The following ABCA5 variants were observed in gnomAD, a reference collection of about 807,000 sequenced individuals.
ABCA5 encodes the protein cholesterol transporter ABCA5.
In ABCA5, 163 loss-of-function variants were observed where a neutral mutation model predicts 206.0. That is an observed-to-expected ratio of 0.79 (90% confidence interval 0.70 to 0.90). The LOEUF is 0.90. Ranked by LOEUF, ABCA5 falls within the 40% of genes least tolerant of loss-of-function variation. The probability of loss-of-function intolerance (pLI) is 0.00; values close to 1 mark genes in which losing one functional copy is unlikely to be tolerated. For synonymous variants in ABCA5, 609 were observed against 613.8 expected (o/e 0.99, Z 0.11); for missense variants, 1,859 against 1,912.9 (o/e 0.97, Z 0.53).
At chr17:69,305,952 T>C (rs2075712959) in intron 6 of ABCA5, among the ~76,000 whole-genome samples, 1 of 152,166 alleles carries the variant, frequency 6.6e-6, no homozygotes, top group South Asian at 2.1e-4. Flanking sequence ...ATACAATAAT[T>C]CCATTATGTA....
In ABCA5 at chr17:69,326,377, C is replaced by T. The variant is rs538456755; in HGVS notation, c.-16+675G>A. On this transcript the variant is annotated intron_variant, in intron 1 of 38. Coordinates refer to ENST00000392676, the MANE Select transcript of ABCA5 (RefSeq NM_172232.4). The surrounding 1 kb of genome is among the most constrained non-coding windows in gnomAD (Gnocchi z 4.8). ...TATTTTCGGACTTATTTATTTAAAA[C>T]GTAAATCGAAGCCTGAGGAGCCCAG... Among the ~76,000 whole-genome samples the T allele has an allele frequency of 6.6e-6, 1 of 152,280 alleles. No homozygotes were observed. Among genetic ancestry groups the T allele is most frequent in the South Asian group, 2.1e-4 (1 of 4,810 alleles).
intron 1 of ABCA5, among the ~76,000 whole-genome samples, chr17:69,325,251 G>A (rs1325990534): frequency 6.6e-6 from 1 of 151,582 alleles, no homozygotes; most frequent in Non-Finnish European, 1.5e-5. Flanking sequence ...CAAGGCTGCA[G>A]TGAGCCAAGA....
At chr17:69,311,173 G>T (rs910010994) in intron 3 of ABCA5, among the ~76,000 whole-genome samples, 1 of 151,768 alleles carries the variant, frequency 6.6e-6, no homozygotes, top group Non-Finnish European at 1.5e-5. Context: ...CAGCTTGACA[G>T]TGAGATCCCA....
intron 1 of ABCA5, among the ~76,000 whole-genome samples, chr17:69,322,725 G>A (rs1598214137): frequency 6.6e-6 from 1 of 151,650 alleles, no homozygotes; most frequent in African/African-American, 2.4e-5. Flanking sequence ...CAGCAGAGGA[G>A]GTACTAAATA....
intron 19 of ABCA5, 50 bp from the exon 20 acceptor site, chr17:69,274,178 T>C (rs1310578150): frequency 1.4e-6 from 2 of 1,465,296 alleles, no homozygotes; most frequent in Non-Finnish European, 1.8e-6. Context: ...GGTACATTAA[T>C]ATGAAAATCA....
At chr17:69,275,791 G>A (rs1000114857) in intron 19 of ABCA5, among the ~76,000 whole-genome samples, 12 of 152,270 alleles carry the variant, frequency 7.9e-5, no homozygotes, top group South Asian at 4.1e-4. Flanking sequence ...ATGGGACTTC[G>A]GAAAGGTAAT....
intron 18 of ABCA5, among the ~76,000 whole-genome samples, chr17:69,282,765 C>CAAAAAAAA: frequency 9.3e-6 from 1 of 107,960 alleles, no homozygotes; most frequent in Non-Finnish European, 1.9e-5. Flanking sequence ...GAGCAAGACT[C>CAAAAAAAA]AAAAAAAAAA....
intron 26 of ABCA5, 90 bp downstream of exon 26, chr17:69,261,035 T>C: frequency 8.9e-7 from 1 of 1,119,218 alleles, no homozygotes; most frequent in Non-Finnish European, 1.3e-6. Context: ...CCAATGCATT[T>C]TACTGTTTTC....
chr17:69,266,294 G>A (rs955840866), intron 23 of ABCA5, among the ~76,000 whole-genome samples: 1 of 152,076 alleles, frequency 6.6e-6, no homozygotes, highest in African/African-American at 2.4e-5. Flanking sequence ...AATCTTTTTG[G>A]TGACAGAAAT....
rs538470010 is a variant in ABCA5 at position 69,288,380 on chromosome 17, C to T, written c.1903-629G>A. On this transcript the variant is annotated intron_variant, in intron 14 of 38. Transcript: ENST00000392676. ...GACAGAGAACAGCATAAAACAAATACATACAAAATCAAAGCAGGACAGTGA... is the reference window on the plus strand; with the variant it reads ...GACAGAGAACAGCATAAAACAAATATATACAAAATCAAAGCAGGACAGTGA... Among the ~76,000 whole-genome samples the T allele has an allele frequency of 5.3e-5, 8 of 152,252 alleles. No individual in the cohort carries two copies. The East Asian group carries it at 1.5e-3, about 29-fold the overall frequency.
chr17:69,299,236 C>T (rs1026996217), intron 9 of ABCA5, among the ~76,000 whole-genome samples: 1 of 152,050 alleles, frequency 6.6e-6, no homozygotes, highest in Non-Finnish European at 1.5e-5. Context: ...CTAGTAAAGC[C>T]ACTATGGAAA....
intron 8 of ABCA5, 129 bp downstream of exon 8, chr17:69,302,589 T>C (rs1461027667): frequency 1.9e-6 from 1 of 528,758 alleles, no homozygotes; most frequent in East Asian, 3.6e-5. Flanking sequence ...CTAGAAATCA[T>C]TTCTTCCTCA....
At chr17:69,283,161 G>GT (rs774128343) in intron 18 of ABCA5, among the ~76,000 whole-genome samples, 1 of 151,470 alleles carries the variant, frequency 6.6e-6, no homozygotes, top group African/African-American at 2.4e-5. Context: ...TAATTTTTGT[G>GT]TTTTTTGTGA....
chr17:69,280,539 T>C (rs1272061169), intron 18 of ABCA5, among the ~76,000 whole-genome samples: 1 of 151,264 alleles, frequency 6.6e-6, no homozygotes, highest in African/African-American at 2.4e-5. Context: ...ACTGGGTATA[T>C]ACCCAAAGGA....
At chr17:69,284,174 T>C (rs913293098) in intron 17 of ABCA5, 102 bp from the exon 18 acceptor site, 25 of 889,874 alleles carry the variant, frequency 2.8e-5, no homozygotes, top group African/African-American at 1.1e-4. Context: ...CTGTGAAACA[T>C]ATCATGACCC....
At chr17:69,317,739 A>AT (rs1210456584) in intron 1 of ABCA5, 1 of 152,196 alleles carries the variant, frequency 6.6e-6, no homozygotes, top group Non-Finnish European at 1.5e-5. Context: ...TCCAGGGTAC[A>AT]TTTACCCTTT....
intron 1 of ABCA5, among the ~76,000 whole-genome samples, chr17:69,322,640 C>T (rs182189094): frequency 6.3e-4 from 96 of 152,134 alleles, no homozygotes; most frequent in Admixed American, 1.5e-3. Flanking sequence ...CCACCTCCCC[C>T]GCAAAATCCA....
intron 27 of ABCA5, 135 bp downstream of exon 27, chr17:69,260,203 C>T (rs560388809): frequency 1.4e-4 from 82 of 597,828 alleles, no homozygotes; most frequent in Middle Eastern, 9.3e-4. Context: ...GATTAGCTAG[C>T]GTTAACTAAC....
Position 69,295,314 on chromosome 17 carries a change from A to G in ABCA5, c.1437-601T>C, listed in dbSNP as rs537005952. On this transcript the variant is annotated intron_variant, in intron 10 of 38. Coordinates refer to ENST00000392676, the MANE Select transcript of ABCA5 (RefSeq NM_172232.4). ...TCTGCTTCTTGAGAGCACTTCCAGCATCACTAGTGGCAATTCCTATGGATC... is the reference window on the plus strand; with the variant it reads ...TCTGCTTCTTGAGAGCACTTCCAGCGTCACTAGTGGCAATTCCTATGGATC... 3.9e-5 allele frequency among the ~76,000 whole-genome samples: 6 copies of G among 152,260 alleles called. No individual in the cohort carries two copies. The South Asian group carries it at 1.2e-3, about 32-fold the overall frequency.
Sources: allele counts gnomAD v4.1 joint callset (sites outside exome capture counted in the v4.1 genomes callset), GRCh38; gene constraint gnomAD v4.1.1; non-coding constraint Gnocchi (gnomAD v3.1); transcripts MANE v1.5; gene names NCBI Gene and HGNC (gene_info 2026-07-23, HGNC 2026-07-21).